Variants in SHISA9 observed in about 807,000 individuals in gnomAD.
The protein encoded by SHISA9 is shisa family member 9, also known as protein shisa-9.
A neutral mutation model predicts 38.0 loss-of-function variants in SHISA9; 13 were observed. The ratio of observed to expected loss-of-function variants is 0.34; its 90% CI spans 0.22 to 0.54. The LOEUF (loss-of-function observed/expected upper bound fraction) is 0.54, where lower values mean the gene tolerates loss of function less well. Ranked by LOEUF, SHISA9 falls within the 20% of genes least tolerant of loss-of-function variation. SHISA9 has a pLI of 0.91. For synonymous variants in SHISA9, 275 were observed against 242.0 expected (o/e 1.14, Z -1.27); for missense variants, 538 against 575.8 (o/e 0.93, Z 0.67).
At chr16:13,122,446 G>T (rs2050220259) in intron 2 of SHISA9, among the ~76,000 whole-genome samples, 1 of 152,208 alleles carries the variant, frequency 6.6e-6, no homozygotes, top group African/African-American at 2.4e-5. Flanking sequence ...CTACAGGAAG[G>T]CAGCCAGGCT....
chr16:13,244,581 A>G (rs1248313382), downstream of SHISA9, among the ~76,000 whole-genome samples: 1 of 152,240 alleles, frequency 6.6e-6, no homozygotes, highest in African/African-American at 2.4e-5. Flanking sequence ...TACACATAGC[A>G]TACTAAATAT....
downstream of SHISA9, among the ~76,000 whole-genome samples, chr16:13,242,321 A>G (rs2051441254): frequency 6.6e-6 from 1 of 152,204 alleles, no homozygotes; most frequent in African/African-American, 2.4e-5. Flanking sequence ...AGAGCTTCAG[A>G]TAAGGTAGAT....
At chr16:13,164,431 G>C (rs527430899) in intron 2 of SHISA9, among the ~76,000 whole-genome samples, 170 of 152,110 alleles carry the variant, frequency 1.1e-3, no homozygotes, top group African/African-American at 3.9e-3. Flanking sequence ...ATGGACATTG[G>C]TCTGTAGTTT....
At chr16:13,001,083 ATGC>A (rs1313245125) in intron 2 of SHISA9, among the ~76,000 whole-genome samples, 3 of 152,108 alleles carry the variant, frequency 2.0e-5, no homozygotes, top group African/African-American at 7.2e-5. Context: ...ACCCACCATG[ATGC>A]CTGACTAATT....
At chr16:13,362,953 A>G in the SHISA9 span, among the ~76,000 whole-genome samples, 2 of 152,336 alleles carry the variant, frequency 1.3e-5, no homozygotes, top group Admixed American at 1.3e-4. Context: ...ATGCCAACTA[A>G]TAATATAATT....
At chr16:12,970,495 ATATTTTTTTTTTTTTTTTTTTTTTTT>A (rs1273649357) in intron 2 of SHISA9, among the ~76,000 whole-genome samples, 2 of 24,642 alleles carry the variant, frequency 8.1e-5, no homozygotes, top group African/African-American at 1.5e-4. Flanking sequence ...ATATATATAT[ATATTTTTTTTTTTTTTTTTTTTTTTT>A]TTTTTTTGAG....
chr16:13,442,570 G>A, the SHISA9 span, among the ~76,000 whole-genome samples: 1 of 152,168 alleles, frequency 6.6e-6, no homozygotes, highest in East Asian at 1.9e-4. Flanking sequence ...CTCCCAAAGT[G>A]CTGGGATTAC....
the SHISA9 span, among the ~76,000 whole-genome samples, chr16:13,442,940 C>T: frequency 6.6e-6 from 1 of 152,118 alleles, no homozygotes; most frequent in Non-Finnish European, 1.5e-5. Flanking sequence ...AAACAAAATA[C>T]TTTGCACACC....
the SHISA9 span, chr16:13,258,193 A>G: frequency 6.6e-6 from 1 of 152,222 alleles, no homozygotes; most frequent in South Asian, 2.1e-4. Flanking sequence ...TTGAATAGTC[A>G]GAGTAAAGCA....
intron 2 of SHISA9, among the ~76,000 whole-genome samples, chr16:13,138,409 T>C (rs766510388): frequency 5.2e-4 from 79 of 152,238 alleles, no homozygotes; most frequent in Non-Finnish European, 1.0e-3. Flanking sequence ...CACACTATTA[T>C]AATCAGGATG....
chr16:13,404,530 T>C, the SHISA9 span, among the ~76,000 whole-genome samples: 1 of 152,032 alleles, frequency 6.6e-6, no homozygotes. Flanking sequence ...AGAAAGTATA[T>C]GGTGAGTTTA....
the SHISA9 span, among the ~76,000 whole-genome samples, chr16:13,556,014 G>T: frequency 6.6e-6 from 1 of 152,112 alleles, no homozygotes; most frequent in Non-Finnish European, 1.5e-5. Context: ...AGAAAATATG[G>T]TCGGGCTTGA....
intron 3 of SHISA9, among the ~76,000 whole-genome samples, chr16:13,205,258 T>A (rs183385606): frequency 6.6e-5 from 10 of 152,336 alleles, no homozygotes; most frequent in Admixed American, 5.9e-4. Context: ...GAAAACTACT[T>A]CATCAGTCCC....
chr16:12,934,455 C>A (rs979437074), intron 2 of SHISA9, among the ~76,000 whole-genome samples: 2 of 152,172 alleles, frequency 1.3e-5, no homozygotes, highest in Non-Finnish European at 2.9e-5. Flanking sequence ...ATGTTCATCC[C>A]AGTGTTTTTC....
At chr16:13,326,710 G>GA in the SHISA9 span, among the ~76,000 whole-genome samples, 2 of 152,128 alleles carry the variant, frequency 1.3e-5, no homozygotes, top group South Asian at 4.1e-4. Flanking sequence ...GATGAAGCAA[G>GA]GCGCCTTCTC....
intron 2 of SHISA9, among the ~76,000 whole-genome samples, chr16:13,050,421 TCC>T (rs1195189400): frequency 6.6e-6 from 1 of 152,126 alleles, no homozygotes; most frequent in Non-Finnish European, 1.5e-5. Context: ...AACCTCTACC[TCC>T]CAGGCTCAAG....
chr16:13,528,096 G>A, the SHISA9 span, among the ~76,000 whole-genome samples: 7 of 152,016 alleles, frequency 4.6e-5, no homozygotes, highest in Admixed American at 1.3e-4. Context: ...CTGGCACTTC[G>A]GGGGGCCTCA....
chr16:13,085,595 TAAAAG>T (rs1189432096), intron 2 of SHISA9, among the ~76,000 whole-genome samples: 3 of 152,148 alleles, frequency 2.0e-5, no homozygotes, highest in African/African-American at 4.8e-5. Context: ...TCAAGGCTGA[TAAAAG>T]AAAATCTCTG....
the SHISA9 span, among the ~76,000 whole-genome samples, chr16:13,558,652 A>G: frequency 1.3e-5 from 2 of 152,248 alleles, no homozygotes; most frequent in Non-Finnish European, 2.9e-5. Context: ...GTCCTTCTTC[A>G]GGCATGTCAC....
Sources: allele counts gnomAD v4.1 joint callset (sites outside exome capture counted in the v4.1 genomes callset), GRCh38; gene constraint gnomAD v4.1.1; transcripts MANE v1.5; gene names NCBI Gene and HGNC (gene_info 2026-07-23, HGNC 2026-07-21).